The following MDGA2 variants were observed in gnomAD, a reference collection of about 807,000 sequenced individuals.
The protein encoded by MDGA2 is MAM domain-containing glycosylphosphatidylinositol anchor protein 2.
Under a neutral mutation model 117.8 loss-of-function variants are expected in MDGA2, and 40 were observed. The observed-to-expected ratio is 0.34, with a 90% CI of 0.26 to 0.44. The LOEUF is 0.44. Ranked by LOEUF, MDGA2 falls within the 20% of genes least tolerant of loss-of-function variation. The pLI, the probability that MDGA2 is intolerant of heterozygous loss-of-function variation, is 1.00. For synonymous variants in MDGA2, 452 were observed against 439.0 expected, an observed-to-expected ratio of 1.03 and a Z score of -0.37; for missense variants, 1,123 against 1,250.6, an observed-to-expected ratio of 0.90 and a Z score of 1.54.
chr14:47,577,539 C>A (rs1295652165), intron 1 of MDGA2, among the ~76,000 whole-genome samples: 1 of 152,086 alleles, frequency 6.6e-6, no homozygotes, highest in East Asian at 1.9e-4. Context: ...GCAATCTACC[C>A]ATGTGACAAA....
At chr14:46,983,442 T>C (rs540602917) in intron 8 of MDGA2, among the ~76,000 whole-genome samples, 1 of 151,672 alleles carries the variant, frequency 6.6e-6, no homozygotes, top group African/African-American at 2.4e-5. Flanking sequence ...TCAATTGGCT[T>C]TTCTCTGTCA....
At chr14:47,396,840 T>C (rs1250368035) in intron 1 of MDGA2, among the ~76,000 whole-genome samples, 3 of 152,132 alleles carry the variant, frequency 2.0e-5, no homozygotes, top group African/African-American at 7.2e-5. Context: ...AAACAACAGA[T>C]GCTGGAGGGG....
intron 3 of MDGA2, among the ~76,000 whole-genome samples, chr14:47,186,845 G>C (rs1159936884): frequency 1.3e-5 from 2 of 151,750 alleles, no homozygotes; most frequent in Non-Finnish European, 1.5e-5. Context: ...CGATTTTCTA[G>C]GATTATTATG....
At chr14:47,037,202 C>CAG (rs1888886888) in intron 7 of MDGA2, among the ~76,000 whole-genome samples, 2 of 152,200 alleles carry the variant, frequency 1.3e-5, no homozygotes, top group Non-Finnish European at 2.9e-5. Flanking sequence ...GCAGAATAAC[C>CAG]TCAGCATTTA....
At chr14:47,543,503 G>A (rs1895394414) in intron 1 of MDGA2, among the ~76,000 whole-genome samples, 1 of 152,136 alleles carries the variant, frequency 6.6e-6, no homozygotes, top group African/African-American at 2.4e-5. Context: ...GTATAAAAGA[G>A]TTTAGGACAT....
At chr14:46,864,140 T>A (rs144760069) in intron 14 of MDGA2, among the ~76,000 whole-genome samples, 5,314 of 134,040 alleles carry the variant, frequency 0.04, 341 homozygotes, top group African/African-American at 0.14. Flanking sequence ...AGTGCTTCCC[T>A]AGGGTGAGAG....
intron 3 of MDGA2, among the ~76,000 whole-genome samples, chr14:47,208,170 C>T (rs1452128113): frequency 2.0e-5 from 3 of 152,054 alleles, no homozygotes; most frequent in African/African-American, 4.8e-5. Flanking sequence ...TCTGAGAATC[C>T]GTCCACCTTA....
intron 1 of MDGA2, among the ~76,000 whole-genome samples, chr14:47,605,034 C>T (rs969890687): frequency 3.3e-5 from 5 of 151,980 alleles, no homozygotes; most frequent in Non-Finnish European, 7.4e-5. Flanking sequence ...TGAACGCATG[C>T]ATAACTGAAA....
At chr14:47,067,515 A>G (rs183537116) in intron 6 of MDGA2, among the ~76,000 whole-genome samples, 9 of 152,352 alleles carry the variant, frequency 5.9e-5, no homozygotes, top group Admixed American at 3.9e-4. Context: ...TTTTAAGTTA[A>G]TAAGTAATGG....
intron 1 of MDGA2, among the ~76,000 whole-genome samples, chr14:47,629,759 G>T (rs1448309052): frequency 6.6e-6 from 1 of 152,118 alleles, no homozygotes; most frequent in Non-Finnish European, 1.5e-5. Flanking sequence ...TCTTCCTAAA[G>T]GAATAAACAT....
intron 1 of MDGA2, among the ~76,000 whole-genome samples, chr14:47,661,918 G>C (rs902174177): frequency 6.6e-6 from 1 of 151,954 alleles, no homozygotes; most frequent in Non-Finnish European, 1.5e-5. Context: ...TGTATTTTTA[G>C]TAGAGACAGG....
At chr14:47,622,781 T>C (rs1212175623) in intron 1 of MDGA2, among the ~76,000 whole-genome samples, 3 of 152,180 alleles carry the variant, frequency 2.0e-5, no homozygotes, top group Non-Finnish European at 4.4e-5. Context: ...CGATTTTCTA[T>C]GGCAACACTA....
intron 1 of MDGA2, among the ~76,000 whole-genome samples, chr14:47,457,569 G>A (rs1461163967): frequency 1.3e-5 from 2 of 152,148 alleles, no homozygotes; most frequent in Non-Finnish European, 2.9e-5. Flanking sequence ...AAGACATTCT[G>A]AGTTAACTTC....
chr14:47,131,873 T>C (rs1212901533), intron 4 of MDGA2, 27 bp from the exon 5 acceptor site: 2 of 1,510,226 alleles, frequency 1.3e-6, no homozygotes, highest in African/African-American at 1.4e-5. Flanking sequence ...AAAATAAAAG[T>C]CATTAGAAAA....
intron 1 of MDGA2, among the ~76,000 whole-genome samples, chr14:47,587,523 T>C (rs935670627): frequency 1.3e-5 from 2 of 151,826 alleles, no homozygotes; most frequent in Non-Finnish European, 2.9e-5. Flanking sequence ...GGTCACTGGC[T>C]ACAAGAGAAT....
intron 9 of MDGA2, among the ~76,000 whole-genome samples, chr14:46,947,597 G>A (rs1050382377): frequency 2.0e-5 from 3 of 151,768 alleles, no homozygotes; most frequent in Admixed American, 6.6e-5. Context: ...TCATGAGATC[G>A]GATGGTTTTA....
intron 1 of MDGA2, among the ~76,000 whole-genome samples, chr14:47,462,658 G>T (rs1382229573): frequency 1.3e-5 from 2 of 152,068 alleles, no homozygotes; most frequent in Non-Finnish European, 2.9e-5. Context: ...GGGAAAGACA[G>T]GAAGCTCCGT....
At chr14:47,295,283 C>T (rs1266342746) in intron 2 of MDGA2, among the ~76,000 whole-genome samples, 1 of 152,088 alleles carries the variant, frequency 6.6e-6, no homozygotes, top group Non-Finnish European at 1.5e-5. Context: ...AACAGGCATA[C>T]CTATGTTTAT....
intron 1 of MDGA2, among the ~76,000 whole-genome samples, chr14:47,341,255 G>A (rs1890613511): frequency 6.6e-6 from 1 of 152,132 alleles, no homozygotes; most frequent in South Asian, 2.1e-4. Flanking sequence ...TATTTCTTAA[G>A]AAAATGCAAG....
Sources: allele counts gnomAD v4.1 joint callset (sites outside exome capture counted in the v4.1 genomes callset), GRCh38; gene constraint gnomAD v4.1.1; transcripts MANE v1.5; gene names NCBI Gene and HGNC (gene_info 2026-07-23, HGNC 2026-07-21).